Variants in MTA3 observed in about 807,000 individuals in gnomAD.
MTA3 encodes metastasis-associated protein MTA3.
In MTA3, 34 loss-of-function variants were observed where a neutral mutation model predicts 83.5. The ratio of observed to expected loss-of-function variants is 0.41; its 90% CI spans 0.31 to 0.54. The LOEUF (loss-of-function observed/expected upper bound fraction) is 0.54, where lower values mean the gene tolerates loss of function less well. Among genes scored for constraint, MTA3 ranks in the 20% least tolerant of loss-of-function variants. MTA3 has a pLI of 0.33. For synonymous variants in MTA3, 303 were observed against 252.7 expected, an observed-to-expected ratio of 1.20 and a Z score of -1.89; for missense variants, 761 against 726.4, an observed-to-expected ratio of 1.05 and a Z score of -0.55.
intron 3 of MTA3, among the ~76,000 whole-genome samples, chr2:42,581,548 CTTT>C (rs200463680): frequency 4.4e-4 from 60 of 137,882 alleles, no homozygotes; most frequent in Middle Eastern, 3.7e-3. Context: ...AATTAAAAAA[CTTT>C]TTTTTTTTTT....
At chr2:42,517,911 C>T (rs549626605) in intron 2 of MTA3, among the ~76,000 whole-genome samples, 2 of 149,476 alleles carry the variant, frequency 1.3e-5, no homozygotes, top group Admixed American at 6.7e-5. Context: ...AGAGGCTGGG[C>T]GTGGTGGCTC....
intron 2 of MTA3, among the ~76,000 whole-genome samples, chr2:42,548,831 T>TATATATATATA (rs1432956910): frequency 0.023 from 195 of 8,514 alleles, 19 homozygotes; most frequent in Middle Eastern, 0.12. Context: ...ATATATATAA[T>TATATATATATA]ATATATATAT....
chr2:42,621,132 G>GGT (rs368458820), intron 4 of MTA3, among the ~76,000 whole-genome samples: 2 of 137,390 alleles, frequency 1.5e-5, no homozygotes, highest in African/African-American at 2.7e-5. Flanking sequence ...TCTTATTAGA[G>GGT]TTTTTTTTTT....
intron 2 of MTA3, among the ~76,000 whole-genome samples, chr2:42,527,020 C>T (rs1161470083): frequency 7.1e-6 from 1 of 141,670 alleles, no homozygotes; most frequent in Non-Finnish European, 1.5e-5. Flanking sequence ...CGCCACTGCA[C>T]TCCAGCCTGA....
At chr2:42,640,350 G>A (rs916864155) in intron 5 of MTA3, 114 bp downstream of exon 5, 5 of 741,304 alleles carry the variant, frequency 6.7e-6, no homozygotes, top group South Asian at 1.9e-5. Context: ...TATATTAATA[G>A]CAGTATTATA....
At chr2:42,617,767 ACT>A (rs1434761778) in intron 4 of MTA3, among the ~76,000 whole-genome samples, 2 of 148,764 alleles carry the variant, frequency 1.3e-5, no homozygotes, top group Admixed American at 1.4e-4. Flanking sequence ...CAACAGTGCA[ACT>A]CTGCCTCTAA....
rs192429040 is a variant in MTA3, at chr2:42,701,244, A to G, written c.1026-2950A>G. On this transcript the variant is annotated intron_variant, in intron 11 of 16. Transcript: ENST00000405094. ...CTGAGCCTGAGAGGTTGAGGCTGCA[A>G]TGGGCCATGGTCATGCCACTGCACT... is the stretch of plus-strand genomic sequence containing the variant. 3.3e-3 allele frequency among the ~76,000 whole-genome samples: 388 copies of G among 118,534 alleles called. 2 individuals carry two copies. Among genetic ancestry groups the G allele is most frequent in the African/African-American group, 0.012 (369 of 30,146 alleles). 77.8% of individuals were successfully genotyped at this position (118,534 alleles called of 152,430 possible). A position where few individuals can be genotyped will look rare whatever the true frequency, so the allele number is the denominator to read the frequency against.
At chr2:42,733,354 C>T (rs1343571040) in intron 16 of MTA3, among the ~76,000 whole-genome samples, 3 of 152,180 alleles carry the variant, frequency 2.0e-5, no homozygotes, top group Non-Finnish European at 4.4e-5. Flanking sequence ...TTTTCACTAT[C>T]ATGAGAATAG....
intron 16 of MTA3, among the ~76,000 whole-genome samples, chr2:42,742,142 CTTTT>C (rs779331968): frequency 7.1e-6 from 1 of 141,168 alleles, no homozygotes. Flanking sequence ...TTCTTTCTTT[CTTTT>C]TTTTTTTTTT....
intron 6 of MTA3, among the ~76,000 whole-genome samples, chr2:42,654,969 C>G (rs143550965): frequency 6.6e-6 from 1 of 152,306 alleles, no homozygotes; most frequent in East Asian, 1.9e-4. Context: ...AACTTGAAAT[C>G]TACACTCTAC....
chr2:42,645,803 G>A (rs1041701798), intron 6 of MTA3, among the ~76,000 whole-genome samples: 38 of 152,334 alleles, frequency 2.5e-4, no homozygotes, highest in African/African-American at 8.9e-4. Flanking sequence ...TGCAAGTAAA[G>A]CAGCAAGTGC....
At chr2:42,715,362 C>G (rs1309193570) in intron 14 of MTA3, among the ~76,000 whole-genome samples, 1 of 150,084 alleles carries the variant, frequency 6.7e-6, no homozygotes, top group Non-Finnish European at 1.5e-5. Flanking sequence ...AATCTTTTCA[C>G]TCTAATTTTT....
intron 14 of MTA3, chr2:42,709,382 G>T: frequency 9.3e-7 from 1 of 1,071,042 alleles, no homozygotes; most frequent in South Asian, 1.9e-5. Flanking sequence ...GTTTTGTGAT[G>T]GAATTGCCTG....
chr2:42,673,715 G>A (rs369627672), intron 8 of MTA3, among the ~76,000 whole-genome samples: 7 of 152,324 alleles, frequency 4.6e-5, no homozygotes, highest in African/African-American at 1.7e-4. Flanking sequence ...GGCCTCAGCT[G>A]ACTCCAGCTG....
intron 2 of MTA3, among the ~76,000 whole-genome samples, chr2:42,502,254 G>C (rs548585730): frequency 3.6e-4 from 55 of 152,102 alleles, no homozygotes; most frequent in Non-Finnish European, 7.6e-4. Flanking sequence ...CAGCAAAAAA[G>C]AACGTTGGCT....
intron 2 of MTA3, among the ~76,000 whole-genome samples, chr2:42,513,278 G>T (rs892916934): frequency 1.3e-5 from 2 of 152,232 alleles, no homozygotes; most frequent in Non-Finnish European, 2.9e-5. Context: ...TGAGGGGAAT[G>T]AAATGAGCAT....
intron 9 of MTA3, among the ~76,000 whole-genome samples, chr2:42,688,398 T>C (rs1692579565): frequency 6.6e-6 from 1 of 152,212 alleles, no homozygotes; most frequent in South Asian, 2.1e-4. Flanking sequence ...ATTGTCATTT[T>C]TTAAAAAAGC....
At chr2:42,634,437 A>G (rs937419213) in intron 4 of MTA3, among the ~76,000 whole-genome samples, 1 of 152,196 alleles carries the variant, frequency 6.6e-6, no homozygotes, top group Non-Finnish European at 1.5e-5. Flanking sequence ...GGAAGCAGGC[A>G]TGTCTTACTT....
chr2:42,520,223 C>CT (rs911963369), intron 2 of MTA3, among the ~76,000 whole-genome samples: 2 of 152,170 alleles, frequency 1.3e-5, no homozygotes, highest in African/African-American at 4.8e-5. Flanking sequence ...GTGCTACAGT[C>CT]TAAGTGTTTG....
Sources: gnomAD v4.1 joint callset for allele counts (sites outside exome capture counted in the v4.1 genomes callset) on GRCh38, gnomAD v4.1.1 for gene constraint, MANE v1.5 for transcripts, NCBI Gene and HGNC (gene_info 2026-07-23, HGNC 2026-07-21) for gene names.